IP6K2: variants seen among roughly 807,000 people sequenced by gnomAD.
The protein encoded by IP6K2 is ATP:1D-myo-inositol-hexakisphosphate phosphotransferase.
IP6K2 carries 9 observed loss-of-function variants against 43.3 expected under a neutral mutation model. The ratio of observed to expected loss-of-function variants is 0.21; its 90% confidence interval spans 0.13 to 0.36. IP6K2 has a LOEUF of 0.36. Among genes scored for constraint, IP6K2 ranks in the 10% least tolerant of loss-of-function variants. The probability of loss-of-function intolerance (pLI) is 1.00; values close to 1 mark genes in which losing one functional copy is unlikely to be tolerated. For missense variants in IP6K2, 332 were observed against 538.4 expected (o/e 0.62, Z 3.79); for synonymous variants, 209 against 202.4 (o/e 1.03, Z -0.28).
At chr3:48,691,718 A>G (rs1237594744) in intron 3 of IP6K2, among the ~76,000 whole-genome samples, 1 of 152,120 alleles carries the variant, frequency 6.6e-6, no homozygotes, top group South Asian at 2.1e-4. Flanking sequence ...GAATCACTTG[A>G]ACCTGGGAGG....
intron 3 of IP6K2, 29 bp from the exon 4 acceptor site, chr3:48,691,511 G>T: frequency 6.5e-7 from 1 of 1,550,290 alleles, no homozygotes; most frequent in Non-Finnish European, 8.8e-7. Flanking sequence ...CAATAAATCA[G>T]TATGTCTTAT....
rs2078291940 is a variant in IP6K2, at chr3:48,695,918, C to T, written c.-130-497G>A. 6.7e-6 allele frequency among the ~76,000 whole-genome samples: 1 copy of T among 149,638 alleles called. No homozygotes were observed. The highest frequency in any genetic ancestry group is 2.1e-4 in the South Asian group (1 of 4,784). ...AATTTTTTTTTGAGATGGAGTCTCA[C>T]TCTATCGCCAGGCGGGAGTGCAGTG... On this transcript the variant is annotated intron_variant, in intron 1 of 5. Transcript: ENST00000328631. This position sits in a 1 kb window ranked among gnomAD's most constrained non-coding sequence, Gnocchi z 4.6.
chr3:48,688,604 A>T lies in IP6K2; in HGVS notation c.950T>A (p.Val317Glu). The T allele has an allele frequency of 1.2e-6, 2 of 1,614,194 alleles. No homozygotes were observed. The highest frequency in any genetic ancestry group is 1.7e-6 in the Non-Finnish European group (2 of 1,180,042). ...GCGGTAGGACTCCTGTCGCTCCAACACTGCCTTGAGCTCAGTCAGCTTCTT... is the reference window on the plus strand; with the variant it reads ...GCGGTAGGACTCCTGTCGCTCCAACTCTGCCTTGAGCTCAGTCAGCTTCTT... The part of the protein sequence containing the change: ...VLKKLTELKA[V>E]LERQESYRFY... The change falls in exon 6 of 6, where the codon GTG (valine) becomes GAG (glutamate). Residue 317 changes from valine (V) to glutamate (E), a missense_variant. Physicochemically the swap from Val to Glu is moderately radical, Grantham distance 121. Transcript: ENST00000328631. The surrounding 1 kb of genome is among the most constrained non-coding windows in gnomAD (Gnocchi z 5.1).
chr3:48,689,413 A>G, intron 5 of IP6K2, 125 bp downstream of exon 5: 1 of 987,744 alleles, frequency 1.0e-6, no homozygotes, highest in South Asian at 1.7e-5. Context: ...TTGACCCCCA[A>G]AGTGCTGGGA....
chr3:48,715,459 C>T (rs2107124623), intron 1 of IP6K2: 1 of 1,535,826 alleles, frequency 6.5e-7, no homozygotes, highest in East Asian at 2.4e-5. Context: ...CTCCTTCTTT[C>T]CTGGCACATT....
chr3:48,693,993 A>T, intron 2 of IP6K2: 4 of 1,372,256 alleles, frequency 2.9e-6, no homozygotes, highest in South Asian at 3.7e-5. Context: ...CGCCTTACAA[A>T]CGACTGGCTG....
intron 1 of IP6K2, among the ~76,000 whole-genome samples, chr3:48,707,504 G>A (rs370493886): frequency 3.3e-5 from 5 of 152,082 alleles, no homozygotes; most frequent in African/African-American, 9.7e-5. Context: ...GCCTGATCTC[G>A]GCTCACCACA....
At chr3:48,714,432 G>A (rs536672534) in intron 1 of IP6K2, among the ~76,000 whole-genome samples, 4 of 151,834 alleles carry the variant, frequency 2.6e-5, no homozygotes, top group South Asian at 2.1e-4. Flanking sequence ...TCACTCTGTC[G>A]CCCAGGCGGG....
At chr3:48,691,958 T>C (rs943584785) in intron 3 of IP6K2, among the ~76,000 whole-genome samples, 10 of 152,136 alleles carry the variant, frequency 6.6e-5, no homozygotes, top group African/African-American at 2.2e-4. Context: ...GATTCTCCTG[T>C]CTCAGCTGGG....
intron 1 of IP6K2, among the ~76,000 whole-genome samples, chr3:48,710,465 C>T (rs967188596): frequency 2.0e-5 from 3 of 152,206 alleles, no homozygotes; most frequent in Non-Finnish European, 4.4e-5. Context: ...GTTTTAACAT[C>T]TTACTCTTCT....
chr3:48,715,447 T>G (rs2081085754), intron 1 of IP6K2: 1 of 1,535,930 alleles, frequency 6.5e-7, no homozygotes, highest in South Asian at 1.2e-5. Context: ...AGTCAGTGGT[T>G]GCTCCTTCTT....
chr3:48,708,505 A>G (rs1057081535), intron 1 of IP6K2, among the ~76,000 whole-genome samples: 1 of 152,056 alleles, frequency 6.6e-6, no homozygotes, highest in Non-Finnish European at 1.5e-5. Context: ...TGCTAGGATT[A>G]CAAGGCATGA....
rs769513321 is a variant in IP6K2, at chr3:48,688,653, G to C, written c.901C>G (p.Arg301Gly). Residue 301 changes from arginine (R) to glycine (G), a missense_variant, in exon 6 of 6, where the codon CGT (arginine) becomes GGT (glycine). Transcript: ENST00000328631. The surrounding 1 kb of genome is among the most constrained non-coding windows in gnomAD (Gnocchi z 5.1). ...TTGAGCACAGGGCCCAGGAGTTCAC[G>C]GCGCAGGTACCGCCCATTGTGGAAG... The part of the protein sequence containing the change: ...QFFHNGRYLR[R>G]ELLGPVLKKL... 1 of 1,614,216 alleles carries C rather than the reference G, an allele frequency of 6.2e-7. No homozygotes were observed. The highest frequency in any genetic ancestry group is 8.5e-7 in the Non-Finnish European group (1 of 1,180,040).
chr3:48,688,208 C>T lies in IP6K2; in HGVS notation c.*65G>A. ...ACCACCTGGCCATACTGGCTTCCTC[C>T]CTGACGCAGCACAGCTGTGCCTGGG... On this transcript the variant is annotated 3_prime_UTR_variant, in exon 6 of 6. Coordinates refer to ENST00000328631, the MANE Select transcript of IP6K2 (RefSeq NM_016291.4). The surrounding 1 kb of genome is among the most constrained non-coding windows in gnomAD (Gnocchi z 5.1). The T allele has an allele frequency of 1.3e-6, 2 of 1,565,910 alleles. No individual in the cohort carries two copies. The highest frequency in any genetic ancestry group is 8.7e-7 in the Non-Finnish European group (1 of 1,149,596).
At chr3:48,715,818 G>A (rs2081129447) in intron 1 of IP6K2, among the ~76,000 whole-genome samples, 1 of 146,104 alleles carries the variant, frequency 6.8e-6, no homozygotes, top group African/African-American at 2.5e-5. Context: ...AACAATGCCT[G>A]TGAATTCTAA....
Position 48,695,036 on chromosome 3 carries a change from GATCTCTCAC to G in IP6K2, c.202+45_202+53del, listed in dbSNP as rs776709547. ...GGCTGCCAGGGCCTTCCATGGCCAC[GATCTCTCAC>G]ATCTCCTCGCCAGTGTGGCAACCCC... On this transcript the variant is annotated intron_variant, in intron 2 of 5. Transcript: ENST00000328631. The surrounding 1 kb of genome is among the most constrained non-coding windows in gnomAD (Gnocchi z 4.6). 6 of 1,613,968 alleles carry G rather than the reference GATCTCTCAC, an allele frequency of 3.7e-6. No homozygotes were observed. The highest frequency in any genetic ancestry group is 5.1e-6 in the Non-Finnish European group (6 of 1,179,986).
At chr3:48,694,237 TG>T (rs1559515229) in intron 2 of IP6K2, 1 of 1,551,548 alleles carries the variant, frequency 6.4e-7, no homozygotes, top group Non-Finnish European at 8.7e-7. Flanking sequence ...CCTTTGGCTT[TG>T]TCCTGGAAAA....
At chr3:48,715,394 G>T (rs2081078705) in intron 1 of IP6K2, 12 of 1,536,186 alleles carry the variant, frequency 7.8e-6, no homozygotes, top group Non-Finnish European at 9.6e-6. Flanking sequence ...CTTACAGAAG[G>T]CTCTGGCATC....
chr3:48,706,066 GCAT>G, intron 1 of IP6K2, among the ~76,000 whole-genome samples: 1 of 21,176 alleles, frequency 4.7e-5, no homozygotes, highest in African/African-American at 1.1e-4. Context: ...AATTAGCCGT[GCAT>G]GGTGGTGGGC....
Sources: gnomAD v4.1 joint callset for allele counts (sites outside exome capture counted in the v4.1 genomes callset) on GRCh38, gnomAD v4.1.1 for gene constraint, Gnocchi (gnomAD v3.1) non-coding constraint, MANE v1.5 for transcripts, NCBI Gene and HGNC (gene_info 2026-07-23, HGNC 2026-07-21) for gene names.